Variants in SETBP1 observed in about 807,000 individuals in gnomAD.
SETBP1 encodes the protein SET binding protein 1, also known as SET-binding protein.
A neutral mutation model predicts 101.0 loss-of-function variants in SETBP1; 9 were observed. The observed-to-expected ratio is 0.09, with a 90% CI of 0.05 to 0.16. SETBP1 has a LOEUF of 0.16. SETBP1 is among the 10% of genes least tolerant of loss of function. The pLI is 1.00. For synonymous variants in SETBP1, 818 were observed against 788.5 expected, an observed-to-expected ratio of 1.04 and a Z score of -0.63; for missense variants, 1,858 against 2,033.8, an observed-to-expected ratio of 0.91 and a Z score of 1.66.
Position 44,950,743 on chromosome 18 carries a change from G to A in SETBP1, c.1403G>A (p.Ser468Asn). 6.2e-7 allele frequency: 1 copy of A among 1,614,130 alleles called. No homozygotes were observed. Among genetic ancestry groups the A allele is most frequent in the East Asian group, 2.2e-5 (1 of 44,862 alleles). ...NKKDPRVPKLSKMIENESPSV... is the reference protein window; with the variant it reads ...NKKDPRVPKLNKMIENESPSV... ...AAGGATCCCCGTGTCCCTAAGTTGAGTAAAATGATAGAGAATGAGTCCCCC... is the reference window on the plus strand; with the variant it reads ...AAGGATCCCCGTGTCCCTAAGTTGAATAAAATGATAGAGAATGAGTCCCCC... The change falls in exon 4 of 6, where the codon AGT (serine) becomes AAT (asparagine). Residue 468 changes from serine (S) to asparagine (N), a missense_variant. By Grantham distance (46) the Ser-to-Asn change is conservative. Transcript: ENST00000649279.
intron 3 of SETBP1, among the ~76,000 whole-genome samples, chr18:44,901,923 A>G (rs1477423030): frequency 1.3e-5 from 2 of 152,206 alleles, no homozygotes; most frequent in African/African-American, 4.8e-5. Flanking sequence ...TTAAATTCCC[A>G]TAGAAAGTGC....
At chr18:44,744,215 C>T (rs1018085865) in intron 2 of SETBP1, among the ~76,000 whole-genome samples, 1 of 152,208 alleles carries the variant, frequency 6.6e-6, no homozygotes, top group Non-Finnish European at 1.5e-5. Context: ...CTGGAAGAGA[C>T]CAGAAGCCTT....
intron 3 of SETBP1, among the ~76,000 whole-genome samples, chr18:44,908,095 C>G (rs533366071): frequency 6.6e-6 from 1 of 151,498 alleles, no homozygotes; most frequent in African/African-American, 2.4e-5. Context: ...GAGTCTTGCT[C>G]TGACACCTGG....
intron 4 of SETBP1, among the ~76,000 whole-genome samples, chr18:44,971,558 G>A (rs1487821021): frequency 6.6e-6 from 1 of 152,134 alleles, no homozygotes; most frequent in Non-Finnish European, 1.5e-5. Flanking sequence ...ACTTTTTAAT[G>A]ATCGCCATTC....
chr18:44,969,559 G>A (rs1387329099), intron 4 of SETBP1, among the ~76,000 whole-genome samples: 9 of 152,166 alleles, frequency 5.9e-5, no homozygotes, highest in Admixed American at 2.0e-4. Flanking sequence ...GACCTTTCAT[G>A]TTGATTCTGC....
At chr18:44,889,586 A>C (rs890486492) in intron 3 of SETBP1, among the ~76,000 whole-genome samples, 1 of 152,136 alleles carries the variant, frequency 6.6e-6, no homozygotes, top group Non-Finnish European at 1.5e-5. Flanking sequence ...TGTGAGTTGC[A>C]CTGACTCTCC....
At chr18:44,809,562 G>A (rs892841674) in intron 2 of SETBP1, among the ~76,000 whole-genome samples, 1 of 152,138 alleles carries the variant, frequency 6.6e-6, no homozygotes, top group Non-Finnish European at 1.5e-5. Flanking sequence ...AGTTACCCAT[G>A]GCCTTTAGTA....
chr18:44,817,914 T>G (rs537706407), intron 2 of SETBP1, among the ~76,000 whole-genome samples: 1 of 152,306 alleles, frequency 6.6e-6, no homozygotes, highest in Admixed American at 6.5e-5. Context: ...AAATTAGAGC[T>G]GTCTCAAAAA....
At chr18:44,889,743 T>C (rs1406079278) in intron 3 of SETBP1, among the ~76,000 whole-genome samples, 1 of 152,146 alleles carries the variant, frequency 6.6e-6, no homozygotes, top group Non-Finnish European at 1.5e-5. Context: ...TATATATACA[T>C]AGAAAGAACA....
intron 2 of SETBP1, among the ~76,000 whole-genome samples, chr18:44,796,610 G>A (rs2071481685): frequency 1.3e-5 from 2 of 152,242 alleles, no homozygotes; most frequent in African/African-American, 4.8e-5. Context: ...CAGATGAATA[G>A]TCTGAGGCCC....
intron 4 of SETBP1, among the ~76,000 whole-genome samples, chr18:45,001,284 A>G (rs2072613400): frequency 6.6e-6 from 1 of 152,208 alleles, no homozygotes; most frequent in Non-Finnish European, 1.5e-5. Context: ...TGAGGGCAAT[A>G]TTAACTCCTA....
intron 4 of SETBP1, among the ~76,000 whole-genome samples, chr18:45,036,997 G>C (rs771936738): frequency 7.8e-4 from 118 of 152,200 alleles, no homozygotes; most frequent in Non-Finnish European, 9.6e-4. Flanking sequence ...GTAAAATTGA[G>C]AAAATGGTAA....
intron 3 of SETBP1, among the ~76,000 whole-genome samples, chr18:44,896,017 T>A (rs960375658): frequency 1.3e-5 from 2 of 152,092 alleles, no homozygotes; most frequent in Non-Finnish European, 2.9e-5. Flanking sequence ...GATCACTCCC[T>A]CAGTGAAAAT....
intron 3 of SETBP1, among the ~76,000 whole-genome samples, chr18:44,878,740 T>A (rs1250311291): frequency 6.6e-6 from 1 of 152,122 alleles, no homozygotes; most frequent in Non-Finnish European, 1.5e-5. Context: ...TGGCTCCCAC[T>A]CTAACCTTTT....
intron 4 of SETBP1, chr18:44,970,192 G>A (rs560688960): frequency 1.9e-5 from 3 of 154,880 alleles, no homozygotes; most frequent in Admixed American, 6.5e-5. Flanking sequence ...CTCTGACTTA[G>A]TACAGTGAGT....
At chr18:44,742,181 C>G (rs1336206719) in intron 2 of SETBP1, among the ~76,000 whole-genome samples, 3 of 152,212 alleles carry the variant, frequency 2.0e-5, no homozygotes, top group Non-Finnish European at 4.4e-5. Context: ...ATCAACCTTG[C>G]TGTCTCCATT....
intron 3 of SETBP1, among the ~76,000 whole-genome samples, chr18:44,872,620 G>T (rs1002224276): frequency 1.3e-5 from 2 of 152,186 alleles, no homozygotes; most frequent in Non-Finnish European, 2.9e-5. Flanking sequence ...CTTCATCCAG[G>T]ATGCAAAGAG....
intron 5 of SETBP1, 92 bp from the exon 6 acceptor site, chr18:45,062,987 T>G (rs1294578520): frequency 1.9e-6 from 3 of 1,552,898 alleles, no homozygotes; most frequent in Non-Finnish European, 2.6e-6. Flanking sequence ...ATAATCTTTA[T>G]AGCCAAGTAG....
At chr18:44,840,206 T>C (rs534196653) in intron 2 of SETBP1, among the ~76,000 whole-genome samples, 1 of 152,298 alleles carries the variant, frequency 6.6e-6, no homozygotes, top group South Asian at 2.1e-4. Context: ...ATGGCAAATA[T>C]ATAATTTCCA....
Sources: gnomAD v4.1 joint callset for allele counts (sites outside exome capture counted in the v4.1 genomes callset) on GRCh38, gnomAD v4.1.1 for gene constraint, MANE v1.5 for transcripts, NCBI Gene and HGNC (gene_info 2026-07-23, HGNC 2026-07-21) for gene names.